NFIB: variants seen among roughly 807,000 people sequenced by gnomAD.
The protein encoded by NFIB is nuclear factor 1 B-type.
NFIB carries 11 observed loss-of-function variants against 61.5 expected under a neutral mutation model. The ratio of observed to expected loss-of-function variants is 0.18; its 90% CI spans 0.11 to 0.30. NFIB has a LOEUF of 0.30. NFIB is among the 10% of genes least tolerant of loss of function. The pLI, the probability that NFIB is intolerant of heterozygous loss-of-function variation, is 1.00. For synonymous variants in NFIB, 260 were observed against 216.5 expected, an observed-to-expected ratio of 1.20 and a Z score of -1.76; for missense variants, 471 against 608.9, an observed-to-expected ratio of 0.77 and a Z score of 2.38.
At chr9:14,251,939 G>A (rs2055676911) in intron 2 of NFIB, among the ~76,000 whole-genome samples, 1 of 152,146 alleles carries the variant, frequency 6.6e-6, no homozygotes. Flanking sequence ...AAATTCTGTG[G>A]GATTTAGTCA....
the NFIB span, among the ~76,000 whole-genome samples, chr9:14,444,104 C>G: frequency 6.6e-6 from 1 of 152,084 alleles, no homozygotes; most frequent in African/African-American, 2.4e-5. Flanking sequence ...CCTAATCATG[C>G]GAAAGTACAT....
intron 2 of NFIB, among the ~76,000 whole-genome samples, chr9:14,288,982 T>A (rs1309271606): frequency 6.6e-6 from 1 of 151,584 alleles, no homozygotes; most frequent in African/African-American, 2.4e-5. Flanking sequence ...TGATGATACA[T>A]ACGGAATCAT....
At chr9:14,193,118 A>G (rs2048128957) in intron 2 of NFIB, among the ~76,000 whole-genome samples, 1 of 151,378 alleles carries the variant, frequency 6.6e-6, no homozygotes, top group African/African-American at 2.4e-5. Context: ...ATACATAAAA[A>G]TAATCAAGTT....
Position 14,082,620 on chromosome 9 carries a change from G to T in NFIB, c.*5689C>A. 4.9e-6 allele frequency: 1 copy of T among 205,708 alleles called. No homozygotes were observed. The highest frequency in any genetic ancestry group is 9.9e-6 in the Non-Finnish European group (1 of 101,146). 12.7% of individuals were successfully genotyped at this position (205,708 alleles called of 1,614,324 possible). A position where few individuals can be genotyped will look rare whatever the true frequency, so the allele number is the denominator to read the frequency against. On this transcript the variant is annotated 3_prime_UTR_variant, in exon 11 of 11. Transcript: ENST00000380953. Reference sequence around the variant, plus strand: ...TGAACTCAACAGAGACTGTGAAATTGAACAGGCACTGCTCATTTGTTTGAG... The same window carrying T: ...TGAACTCAACAGAGACTGTGAAATTTAACAGGCACTGCTCATTTGTTTGAG...
the NFIB span, among the ~76,000 whole-genome samples, chr9:14,430,346 T>C: frequency 6.6e-6 from 1 of 151,090 alleles, no homozygotes; most frequent in Admixed American, 6.6e-5. Flanking sequence ...CCATGGTAGT[T>C]GACTCTGAGG....
At chr9:14,319,183 A>G (rs996580524) in intron 1 of NFIB, among the ~76,000 whole-genome samples, 3 of 151,206 alleles carry the variant, frequency 2.0e-5, no homozygotes, top group African/African-American at 4.9e-5. Context: ...CCTCTACTCC[A>G]CTGTTTAAAA....
At chr9:14,364,601 A>G (rs1397974165) in intron 1 of NFIB, among the ~76,000 whole-genome samples, 2 of 152,196 alleles carry the variant, frequency 1.3e-5, no homozygotes, top group African/African-American at 2.4e-5. Flanking sequence ...TATCTGCACA[A>G]TTCTTTGATT....
intron 2 of NFIB, among the ~76,000 whole-genome samples, chr9:14,201,377 C>T (rs2049013791): frequency 6.6e-6 from 1 of 152,234 alleles, no homozygotes; most frequent in African/African-American, 2.4e-5. Flanking sequence ...CCACACCCAA[C>T]TTCCTAATAT....
the NFIB span, among the ~76,000 whole-genome samples, chr9:14,407,732 G>A: frequency 1.3e-5 from 2 of 152,088 alleles, no homozygotes; most frequent in Admixed American, 1.3e-4. Context: ...TGTTGCCCAG[G>A]CTGGAGTGTG....
Position 14,161,901 on chromosome 9 carries a change from G to T in NFIB, c.617-6008C>A, listed in dbSNP as rs1197163925. Among the ~76,000 whole-genome samples, 4 of 152,220 alleles carry T rather than the reference G, an allele frequency of 2.6e-5. No homozygotes were observed. The East Asian group carries it at 7.7e-4, about 29-fold the overall frequency. Reference sequence around the variant, plus strand: ...GTTTTGCCAACTTACACTCCTTAGGGCAAGCTGTGAGCATGTCCATCTCAC... The same window carrying T: ...GTTTTGCCAACTTACACTCCTTAGGTCAAGCTGTGAGCATGTCCATCTCAC... On this transcript the variant is annotated intron_variant, in intron 3 of 10. Transcript: ENST00000380953.
chr9:14,380,260 G>A (rs1415116983), intron 1 of NFIB, among the ~76,000 whole-genome samples: 1 of 152,192 alleles, frequency 6.6e-6, no homozygotes, highest in Non-Finnish European at 1.5e-5. Context: ...CTCCATGGAA[G>A]CAAGGGAAAG....
intron 4 of NFIB, among the ~76,000 whole-genome samples, chr9:14,152,863 G>A (rs911073138): frequency 6.6e-6 from 1 of 152,088 alleles, no homozygotes; most frequent in African/African-American, 2.4e-5. Context: ...TGTCAGAGGT[G>A]GGGGAGGGTG....
chr9:14,155,542 G>A (rs12553346), intron 4 of NFIB, among the ~76,000 whole-genome samples: 4,667 of 152,072 alleles, frequency 0.031, 165 homozygotes, highest in Admixed American at 0.11. Flanking sequence ...GATATAAATG[G>A]CCATCTATGG....
chr9:14,474,961 T>G, the NFIB span, among the ~76,000 whole-genome samples: 1 of 152,196 alleles, frequency 6.6e-6, no homozygotes, highest in Admixed American at 6.5e-5. Flanking sequence ...CTCAATGGAT[T>G]GTGTGCTGCC....
At chr9:14,275,200 T>C (rs896135516) in intron 2 of NFIB, among the ~76,000 whole-genome samples, 2 of 152,158 alleles carry the variant, frequency 1.3e-5, no homozygotes, top group African/African-American at 4.8e-5. Flanking sequence ...GCCAGGATCA[T>C]GGTCTCTGAG....
chr9:14,246,372 C>T (rs1383084875), intron 2 of NFIB, among the ~76,000 whole-genome samples: 5 of 152,238 alleles, frequency 3.3e-5, no homozygotes, highest in South Asian at 2.1e-4. Flanking sequence ...CACCTTCATA[C>T]AGGACTGTGC....
chr9:14,368,876 G>C (rs759735824), intron 1 of NFIB, among the ~76,000 whole-genome samples: 14 of 152,150 alleles, frequency 9.2e-5, no homozygotes, highest in Non-Finnish European at 2.1e-4. Context: ...CTTGTGCAAG[G>C]TACCTGAGCT....
At chr9:14,175,689 A>G (rs1053274285) in intron 3 of NFIB, among the ~76,000 whole-genome samples, 2 of 152,186 alleles carry the variant, frequency 1.3e-5, no homozygotes, top group African/African-American at 4.8e-5. Flanking sequence ...TAGCACAAGC[A>G]CCTATAAAAC....
At chr9:14,489,633 G>A in the NFIB span, among the ~76,000 whole-genome samples, 60 of 152,208 alleles carry the variant, frequency 3.9e-4, no homozygotes, top group African/African-American at 1.3e-3. Context: ...CCTCCATAGG[G>A]ACAATCGCTA....
Sources: allele counts gnomAD v4.1 joint callset (sites outside exome capture counted in the v4.1 genomes callset), GRCh38; gene constraint gnomAD v4.1.1; transcripts MANE v1.5; gene names NCBI Gene and HGNC (gene_info 2026-07-23, HGNC 2026-07-21).